Variants in VTI1A observed in about 807,000 individuals in gnomAD.
The protein encoded by VTI1A is vesicle transport through interaction with t-SNAREs 1A, also known as vesicle transport through interaction with t-SNAREs homolog 1A.
Under a neutral mutation model 34.9 loss-of-function variants are expected in VTI1A, and 22 were observed. The observed-to-expected ratio is 0.63, with a 90% confidence interval of 0.45 to 0.90. VTI1A has a LOEUF of 0.90. Ranked by LOEUF, VTI1A falls within the 40% of genes least tolerant of loss-of-function variation. VTI1A has a pLI of 0.00. For missense variants in VTI1A, 268 were observed against 275.6 expected, an observed-to-expected ratio of 0.97 and a Z score of 0.20; for synonymous variants, 87 against 97.3, an observed-to-expected ratio of 0.89 and a Z score of 0.62.
At chr10:112,741,204 C>T (rs1352812479) in intron 7 of VTI1A, among the ~76,000 whole-genome samples, 12 of 152,254 alleles carry the variant, frequency 7.9e-5, no homozygotes. Flanking sequence ...GCCTGTAGTC[C>T]CAGCACTTTG....
chr10:112,545,204 C>A, intron 5 of VTI1A, among the ~76,000 whole-genome samples: 1 of 152,210 alleles, frequency 6.6e-6, no homozygotes, highest in East Asian at 1.9e-4. Flanking sequence ...ATCATTAATT[C>A]TTTAACAATT....
chr10:112,506,469 G>T (rs906128064), intron 3 of VTI1A, among the ~76,000 whole-genome samples: 2 of 152,208 alleles, frequency 1.3e-5, no homozygotes, highest in South Asian at 4.2e-4. Flanking sequence ...TTTTTTAGTG[G>T]TTCCTGTGGA....
chr10:112,458,497 C>A (rs1298782737), intron 1 of VTI1A, among the ~76,000 whole-genome samples: 2 of 151,924 alleles, frequency 1.3e-5, no homozygotes, highest in South Asian at 4.1e-4. Flanking sequence ...GCTTATTTTT[C>A]TTAGGGAGAA....
At chr10:112,497,762 AT>A (rs1289839210) in intron 3 of VTI1A, among the ~76,000 whole-genome samples, 12 of 152,186 alleles carry the variant, frequency 7.9e-5, no homozygotes, top group African/African-American at 2.4e-4. Flanking sequence ...ACACCATTTA[AT>A]TACTGATTCA....
At chr10:112,771,907 T>C (rs1463364789) in intron 7 of VTI1A, among the ~76,000 whole-genome samples, 1 of 152,256 alleles carries the variant, frequency 6.6e-6, no homozygotes, top group African/African-American at 2.4e-5. Flanking sequence ...GGTCAAATAG[T>C]ATTCCATTGT....
chr10:112,793,576 C>G (rs1852564336), intron 7 of VTI1A, among the ~76,000 whole-genome samples: 1 of 152,176 alleles, frequency 6.6e-6, no homozygotes, highest in South Asian at 2.1e-4. Flanking sequence ...GTTTGTTTGT[C>G]TTGTGGAACA....
intron 7 of VTI1A, among the ~76,000 whole-genome samples, chr10:112,676,018 A>G (rs1848013404): frequency 1.3e-5 from 2 of 152,206 alleles, no homozygotes; most frequent in Non-Finnish European, 2.9e-5. Context: ...GTGCCAGGAA[A>G]CATTGAGGTA....
At chr10:112,800,863 A>G (rs1852853547) in intron 7 of VTI1A, among the ~76,000 whole-genome samples, 1 of 152,184 alleles carries the variant, frequency 6.6e-6, no homozygotes, top group Non-Finnish European at 1.5e-5. Flanking sequence ...TTTTCACACT[A>G]AAACAGTCAA....
At chr10:112,525,969 A>G (rs1850210019) in intron 3 of VTI1A, among the ~76,000 whole-genome samples, 1 of 152,228 alleles carries the variant, frequency 6.6e-6, no homozygotes, top group Non-Finnish European at 1.5e-5. Context: ...TTTTCAGATC[A>G]CAGTTGAACA....
intron 5 of VTI1A, among the ~76,000 whole-genome samples, chr10:112,572,996 G>A (rs1156934601): frequency 2.0e-5 from 3 of 151,880 alleles, no homozygotes; most frequent in Non-Finnish European, 1.5e-5. Context: ...TTTTCCTGAA[G>A]CATCCCATCT....
intron 3 of VTI1A, among the ~76,000 whole-genome samples, chr10:112,520,619 ATATG>A (rs1239824983): frequency 2.5e-5 from 3 of 118,242 alleles, no homozygotes; most frequent in Non-Finnish European, 5.4e-5. Flanking sequence ...TTTAGTCTCT[ATATG>A]TGTGTGTGTG....
At chr10:112,467,477 T>C (rs543041418) in intron 3 of VTI1A, among the ~76,000 whole-genome samples, 4 of 151,826 alleles carry the variant, frequency 2.6e-5, no homozygotes, top group Middle Eastern at 3.4e-3. Flanking sequence ...AAAAAAAAAA[T>C]AGCAAAAAAC....
chr10:112,558,957 A>G (rs1851626372), intron 5 of VTI1A, among the ~76,000 whole-genome samples: 1 of 152,170 alleles, frequency 6.6e-6, no homozygotes, highest in South Asian at 2.1e-4. Flanking sequence ...GCTTTACTAG[A>G]AAGCAAAGAG....
At chr10:112,634,948 G>C (rs1374839000) in intron 5 of VTI1A, among the ~76,000 whole-genome samples, 1 of 152,146 alleles carries the variant, frequency 6.6e-6, no homozygotes, top group Non-Finnish European at 1.5e-5. Flanking sequence ...CCTGGACTGA[G>C]TGGCCAACAT....
At chr10:112,675,376 C>T (rs1033994768) in intron 7 of VTI1A, among the ~76,000 whole-genome samples, 1 of 152,174 alleles carries the variant, frequency 6.6e-6, no homozygotes, top group African/African-American at 2.4e-5. Context: ...AACTATTTGT[C>T]CTTCTATGAA....
At chr10:112,527,704 GTCA>G (rs1850283512) in intron 4 of VTI1A, among the ~76,000 whole-genome samples, 1 of 133,878 alleles carries the variant, frequency 7.5e-6, no homozygotes, top group African/African-American at 3.5e-5. Flanking sequence ...TCAAATAATA[GTCA>G]TAATAATAAT....
intron 5 of VTI1A, among the ~76,000 whole-genome samples, chr10:112,544,918 C>T (rs1382870109): frequency 2.6e-5 from 4 of 152,094 alleles, no homozygotes; most frequent in Admixed American, 6.6e-5. Flanking sequence ...GGCCATGGGA[C>T]ATGGAAGGGG....
At chr10:112,835,495 A>G in the VTI1A span, among the ~76,000 whole-genome samples, 1 of 152,210 alleles carries the variant, frequency 6.6e-6, no homozygotes. Context: ...GGGCCCGCAT[A>G]CTGCAAAGTA....
chr10:112,766,049 G>A (rs979436913), intron 7 of VTI1A, among the ~76,000 whole-genome samples: 1 of 152,216 alleles, frequency 6.6e-6, no homozygotes, highest in Non-Finnish European at 1.5e-5. Flanking sequence ...GTGGGCAGAG[G>A]ACAAGAGACA....
Sources: allele counts gnomAD v4.1 joint callset (sites outside exome capture counted in the v4.1 genomes callset), GRCh38; gene constraint gnomAD v4.1.1; transcripts MANE v1.5; gene names NCBI Gene and HGNC (gene_info 2026-07-23, HGNC 2026-07-21).